OSBPL9: variants seen among roughly 807,000 people sequenced by gnomAD.
OSBPL9 encodes the protein oxysterol binding protein like 9, also known as oxysterol-binding protein-related protein 9.
Under a neutral mutation model 106.6 loss-of-function variants are expected in OSBPL9, and 40 were observed. That is an observed-to-expected ratio of 0.38 (90% CI 0.29 to 0.49). The LOEUF (loss-of-function observed/expected upper bound fraction) is 0.49. Ranked by LOEUF, OSBPL9 falls within the 20% of genes least tolerant of loss-of-function variation. The pLI is 0.97. For synonymous variants in OSBPL9, 269 were observed against 295.4 expected (o/e 0.91, Z 0.92); for missense variants, 609 against 887.2 (o/e 0.69, Z 3.98).
the OSBPL9 span, among the ~76,000 whole-genome samples, chr1:51,526,595 A>T: frequency 6.6e-6 from 1 of 152,148 alleles, no homozygotes; most frequent in African/African-American, 2.4e-5. Flanking sequence ...AAAGTAGCTC[A>T]AAAGAGTCCC....
intron 1 of OSBPL9, among the ~76,000 whole-genome samples, chr1:51,595,937 C>G (rs147041494): frequency 6.6e-6 from 1 of 152,080 alleles, no homozygotes; most frequent in Non-Finnish European, 1.5e-5. Flanking sequence ...ACTACACTTT[C>G]GTTTAACTTC....
chr1:51,756,273 A>G (rs1470107490), intron 8 of OSBPL9, 47 bp from the exon 9 acceptor site: 3 of 1,497,696 alleles, frequency 2.0e-6, no homozygotes, highest in South Asian at 1.1e-5. Flanking sequence ...ACAAGGAGTT[A>G]CTTACATGTA....
intron 1 of OSBPL9, among the ~76,000 whole-genome samples, chr1:51,638,870 T>G (rs1645609157): frequency 6.6e-6 from 1 of 152,002 alleles, no homozygotes; most frequent in South Asian, 2.1e-4. Flanking sequence ...TCTTAGCACT[T>G]TGGGAGGCCA....
intron 1 of OSBPL9, among the ~76,000 whole-genome samples, chr1:51,592,898 A>G (rs1331768681): frequency 1.3e-5 from 2 of 152,176 alleles, no homozygotes; most frequent in African/African-American, 2.4e-5. Flanking sequence ...GGGAGGGATT[A>G]TGGTGTGAGT....
the OSBPL9 span, among the ~76,000 whole-genome samples, chr1:51,564,500 T>G: frequency 4.9e-3 from 753 of 152,250 alleles, 4 homozygotes; most frequent in Non-Finnish European, 6.1e-3. Flanking sequence ...AAGACAGAGA[T>G]CTACAAGATC....
At chr1:51,748,437 A>T (rs1039627095) in intron 7 of OSBPL9, 39 bp downstream of exon 7, 29 of 1,441,280 alleles carry the variant, frequency 2.0e-5, no homozygotes, top group Non-Finnish European at 2.6e-5. Flanking sequence ...TTTGCATTAG[A>T]AAATGTTTTA....
chr1:51,634,730 C>A (rs1645315216), intron 1 of OSBPL9, among the ~76,000 whole-genome samples: 1 of 152,170 alleles, frequency 6.6e-6, no homozygotes, highest in South Asian at 2.1e-4. Flanking sequence ...TCTCACGCCG[C>A]TGACAGAGCC....
chr1:51,783,884 T>C (rs773898687), intron 17 of OSBPL9, 31 bp from the exon 18 acceptor site: 4 of 1,492,452 alleles, frequency 2.7e-6, no homozygotes, highest in Non-Finnish European at 3.7e-6. Context: ...TGTAGGTATA[T>C]ATAATCTACT....
intron 1 of OSBPL9, among the ~76,000 whole-genome samples, chr1:51,648,935 G>T (rs1051165816): frequency 6.6e-6 from 1 of 151,872 alleles, no homozygotes; most frequent in African/African-American, 2.4e-5. Flanking sequence ...CTTATTTAAC[G>T]GTGTTATTTT....
At chr1:51,617,034 C>CCCG, upstream of OSBPL9, 10 of 1,335,668 alleles carry the variant, frequency 7.5e-6, no homozygotes, top group African/African-American at 2.9e-5. Flanking sequence ...CCGCCCCCTG[C>CCCG]GGCCCCGCCC....
At chr1:51,571,136 TA>T in the OSBPL9 span, among the ~76,000 whole-genome samples, 1 of 152,160 alleles carries the variant, frequency 6.6e-6, no homozygotes, top group Admixed American at 6.6e-5. Context: ...ATGTTGAAAC[TA>T]GGTTTATTTC....
chr1:51,786,716 A>T, intron 22 of OSBPL9, 99 bp downstream of exon 22: 2 of 911,296 alleles, frequency 2.2e-6, no homozygotes, highest in Middle Eastern at 4.4e-4. Flanking sequence ...GGCAGAGCAT[A>T]ATAGTATAGA....
intron 4 of OSBPL9, among the ~76,000 whole-genome samples, chr1:51,716,503 C>G (rs1341121009): frequency 6.6e-6 from 1 of 152,168 alleles, no homozygotes; most frequent in Non-Finnish European, 1.5e-5. Context: ...TGGATGAGAA[C>G]TGGTTGAAAT....
At chr1:51,616,958 A>C, upstream of OSBPL9, 1 of 1,438,708 alleles carries the variant, frequency 7.0e-7, no homozygotes, top group Non-Finnish European at 9.2e-7. Context: ...GCGCCCTAAG[A>C]AAGCGTGTTT....
intron 3 of OSBPL9, among the ~76,000 whole-genome samples, chr1:51,673,514 G>C (rs916062281): frequency 6.6e-6 from 1 of 152,222 alleles, no homozygotes; most frequent in African/African-American, 2.4e-5. Flanking sequence ...AGAGAAAGGA[G>C]AGAGTTGCTG....
Position 51,748,389 on chromosome 1 carries a change from G to A in OSBPL9, c.483G>A (p.Glu161=). Residue 161 remains glutamate (E), a synonymous_variant, in exon 7 of 24, where the codon GAG becomes GAA. Transcript: ENST00000428468. ...CACAGAAAATTGAAACTCTCAAAGA[G>A]ACAACAAATGTAAGTTATATGTTTG... ...EQRKKIETLK[E]TTNSMVESIK... The A allele has an allele frequency of 1.3e-6, 2 of 1,519,474 alleles. No individual in the cohort carries two copies. The highest frequency in any genetic ancestry group is 1.8e-6 in the Non-Finnish European group (2 of 1,142,752). 94.1% of individuals were successfully genotyped at this position (1,519,474 alleles called of 1,614,324 possible).
chr1:51,737,938 A>G (rs1402301017), intron 4 of OSBPL9, among the ~76,000 whole-genome samples: 1 of 152,070 alleles, frequency 6.6e-6, no homozygotes, highest in Non-Finnish European at 1.5e-5. Context: ...AGAGTGAAGG[A>G]GGCTGCTAAT....
chr1:51,560,817 A>C, the OSBPL9 span: 1 of 152,254 alleles, frequency 6.6e-6, no homozygotes, highest in African/African-American at 2.4e-5. Context: ...ATCACCCCTA[A>C]CATCTGTCCG....
At position 51,789,096 on chromosome 1, in the gene OSBPL9, TA is replaced by T; in HGVS notation, c.*1312del. On this transcript the variant is annotated 3_prime_UTR_variant, in exon 24 of 24. Coordinates refer to ENST00000428468, the MANE Select transcript of OSBPL9 (RefSeq NM_024586.6). ...TGGGTTTATTAGTCTCAACAAAGGA[TA>T]AAAAGTAAATCAAATGCTATGATGC... 1.2e-6 allele frequency: 1 copy of T among 819,048 alleles called. No individual in the cohort carries two copies. Among genetic ancestry groups the T allele is most frequent in the Non-Finnish European group, 2.0e-6 (1 of 508,616 alleles). The allele number at this position is 819,048 out of a possible 1,614,324, so 50.7% of individuals were successfully genotyped here. A position where few individuals can be genotyped will look rare whatever the true frequency, so the allele number is the denominator to read the frequency against.
Sources: gnomAD v4.1 joint callset for allele counts (sites outside exome capture counted in the v4.1 genomes callset) on GRCh38, gnomAD v4.1.1 for gene constraint, MANE v1.5 for transcripts, NCBI Gene and HGNC (gene_info 2026-07-23, HGNC 2026-07-21) for gene names.